SEPTIN10: variants seen among roughly 807,000 people sequenced by gnomAD.
SEPTIN10 encodes the protein septin-10.
SEPTIN10 carries 66 observed loss-of-function variants against 54.8 expected under a neutral mutation model. The observed-to-expected ratio is 1.21, with a 90% CI of 0.99 to 1.48. The LOEUF is 1.48. Ranked by LOEUF, SEPTIN10 falls within the 40% of genes most tolerant of loss-of-function variation. The pLI is 0.00. For synonymous variants in SEPTIN10, 161 were observed against 181.0 expected, an observed-to-expected ratio of 0.89 and a Z score of 0.89; for missense variants, 620 against 545.6, an observed-to-expected ratio of 1.14 and a Z score of -1.36.
intron 4 of SEPTIN10, among the ~76,000 whole-genome samples, chr2:109,583,101 C>T (rs1294813767): frequency 1.3e-5 from 2 of 152,176 alleles, no homozygotes; most frequent in Non-Finnish European, 2.9e-5. Context: ...AAGCACCATG[C>T]TGCACATTGG....
chr2:109,562,815 A>C (rs1246140280), intron 8 of SEPTIN10, among the ~76,000 whole-genome samples: 1 of 152,222 alleles, frequency 6.6e-6, no homozygotes, highest in African/African-American at 2.4e-5. Context: ...TGAAGACAAT[A>C]TCATGAGAAA....
At chr2:109,599,275 T>C (rs998803108) in intron 1 of SEPTIN10, among the ~76,000 whole-genome samples, 1 of 151,970 alleles carries the variant, frequency 6.6e-6, no homozygotes, top group Admixed American at 6.6e-5. Context: ...CTGGCCAACA[T>C]GGTGAAACCC....
At chr2:109,606,395 C>CA (rs1417960502) in intron 1 of SEPTIN10, among the ~76,000 whole-genome samples, 1 of 151,880 alleles carries the variant, frequency 6.6e-6, no homozygotes, top group African/African-American at 2.4e-5. Flanking sequence ...AGTCTGGCGA[C>CA]AAAGCAAGAC....
Position 109,574,677 on chromosome 2 carries a change from A to C in SEPTIN10, c.504T>G (p.His168Gln). 6.2e-7 allele frequency: 1 copy of C among 1,610,662 alleles called. No individual in the cohort carries two copies. The highest frequency in any genetic ancestry group is 8.5e-7 in the Non-Finnish European group (1 of 1,178,402). Residue 168 changes from histidine (H) to glutamine (Q), a missense_variant, in exon 5 of 11, where the codon CAT becomes CAG. His to Gln is a conservative substitution (Grantham distance 24). Coordinates refer to ENST00000397712, the MANE Select transcript of SEPTIN10 (RefSeq NM_144710.5). ...AGAGACACACATGGATGCGAGAATC[A>C]TGGTAGGTAAAGAGAGAACGCTTAA... ...LKIKRSLFTY[H>Q]DSRIHVCLYF...
At chr2:109,545,594 A>C (rs971004652) in intron 10 of SEPTIN10, 58 of 1,533,494 alleles carry the variant, frequency 3.8e-5, no homozygotes, top group Non-Finnish European at 4.9e-5. Context: ...ATTTGTTCTA[A>C]AAAACTGAAC....
Position 109,564,481 on chromosome 2 carries a change from T to C in SEPTIN10, c.913A>G (p.Thr305Ala). Residue 305 changes from threonine (T) to alanine (A), a missense_variant, in exon 8 of 11, where the codon ACA becomes GCA. Physicochemically the swap from Thr to Ala is moderately conservative, Grantham distance 58. Transcript: ENST00000397712. ...TGCTCTCGCAGGTCCTCCATATTTGTACAAATGAGCATTTCCCGCAGCTTT... is the reference window on the plus strand; with the variant it reads ...TGCTCTCGCAGGTCCTCCATATTTGCACAAATGAGCATTTCCCGCAGCTTT... ...FVKLREMLIC[T>A]NMEDLREQTH... The C allele has an allele frequency of 6.3e-7, 1 of 1,579,638 alleles. No homozygotes were observed. The highest frequency in any genetic ancestry group is 8.6e-7 in the Non-Finnish European group (1 of 1,158,116).
intron 5 of SEPTIN10, 96 bp from the exon 6 acceptor site, chr2:109,568,072 A>G (rs1687493660): frequency 1.0e-6 from 1 of 969,802 alleles, no homozygotes; most frequent in African/African-American, 1.7e-5. Flanking sequence ...CTGACAATGA[A>G]TTTCCCTAAA....
chr2:109,549,121 G>C (rs1328048187), intron 9 of SEPTIN10, among the ~76,000 whole-genome samples: 1 of 152,110 alleles, frequency 6.6e-6, no homozygotes, highest in Non-Finnish European at 1.5e-5. Flanking sequence ...GTGTTTAAAG[G>C]GCACACTCCC....
chr2:109,600,974 G>A (rs1337303225), intron 1 of SEPTIN10, among the ~76,000 whole-genome samples: 1 of 152,192 alleles, frequency 6.6e-6, no homozygotes, highest in Non-Finnish European at 1.5e-5. Context: ...CCCAAGCCCA[G>A]GGGCTTCTGT....
At chr2:109,577,046 G>A (rs1055376238) in intron 4 of SEPTIN10, among the ~76,000 whole-genome samples, 1 of 151,762 alleles carries the variant, frequency 6.6e-6, no homozygotes, top group Non-Finnish European at 1.5e-5. Flanking sequence ...TAGCAAAACT[G>A]GATAACAATA....
chr2:109,553,235 T>C lies in SEPTIN10; in HGVS notation c.1029-16A>G, dbSNP rs1683470083. The C allele has an allele frequency of 6.2e-7, 1 of 1,612,778 alleles. No homozygotes were observed. On this transcript the variant is annotated splice_polypyrimidine_tract_variant and intron_variant, in intron 8 of 10. Transcript: ENST00000397712. ...CTCTTGAACACTAAAAAGTTATTTG[T>C]GTTACTCTCCTGCTAAAAAGTGATA...
At chr2:109,558,661 C>T (rs1684936696) in intron 8 of SEPTIN10, among the ~76,000 whole-genome samples, 1 of 152,132 alleles carries the variant, frequency 6.6e-6, no homozygotes, top group South Asian at 2.1e-4. Flanking sequence ...AGGATACCCA[C>T]CATGACTCAG....
chr2:109,577,036 T>C (rs1179040628), intron 4 of SEPTIN10, among the ~76,000 whole-genome samples: 5 of 151,846 alleles, frequency 3.3e-5, no homozygotes, highest in South Asian at 2.1e-4. Flanking sequence ...AGGTACAGCA[T>C]AGCAAAACTG....
intron 8 of SEPTIN10, among the ~76,000 whole-genome samples, chr2:109,556,037 A>AG (rs1233762632): frequency 3.3e-5 from 5 of 152,202 alleles, no homozygotes; most frequent in Non-Finnish European, 5.9e-5. Flanking sequence ...CATCTCTGTG[A>AG]CTATCCAGCA....
intron 4 of SEPTIN10, among the ~76,000 whole-genome samples, chr2:109,576,329 C>A (rs1046777404): frequency 6.6e-6 from 1 of 151,922 alleles, no homozygotes; most frequent in Non-Finnish European, 1.5e-5. Flanking sequence ...GAACTCCTGG[C>A]CTTAAGCAAT....
At chr2:109,603,024 C>T (rs1043505553) in intron 1 of SEPTIN10, among the ~76,000 whole-genome samples, 2 of 150,824 alleles carry the variant, frequency 1.3e-5, no homozygotes, top group African/African-American at 4.9e-5. Flanking sequence ...TAAGCTGTGA[C>T]TGCACCACTG....
chr2:109,557,767 T>C (rs549798149), intron 8 of SEPTIN10, among the ~76,000 whole-genome samples: 2 of 152,180 alleles, frequency 1.3e-5, no homozygotes, highest in African/African-American at 4.8e-5. Context: ...TTTCTTATCA[T>C]AGATTTATTA....
chr2:109,604,951 G>C (rs967048633), intron 1 of SEPTIN10: 1 of 152,172 alleles, frequency 6.6e-6, no homozygotes, highest in Non-Finnish European at 1.5e-5. Flanking sequence ...GCAGGAAAGA[G>C]AATAGGAGAG....
chr2:109,613,746 CCGCGGGGGCCGGGGA>C, intron 1 of SEPTIN10, 37 bp downstream of exon 1: 5 of 1,167,680 alleles, frequency 4.3e-6, no homozygotes, highest in Non-Finnish European at 5.4e-6. Flanking sequence ...GCGGGAAGTC[CCGCGGGGGCCGGGGA>C]GCGCGGGGCT....
Sources: allele counts gnomAD v4.1 joint callset (sites outside exome capture counted in the v4.1 genomes callset), GRCh38; gene constraint gnomAD v4.1.1; transcripts MANE v1.5; gene names NCBI Gene and HGNC (gene_info 2026-07-23, HGNC 2026-07-21).